The following LAMA2 variants were observed in gnomAD, a reference collection of about 807,000 sequenced individuals.
LAMA2 encodes laminin subunit alpha 2.
Under a neutral mutation model 364.8 loss-of-function variants are expected in LAMA2, and 269 were observed. That is an observed-to-expected ratio of 0.74 (90% confidence interval 0.67 to 0.82). The LOEUF (loss-of-function observed/expected upper bound fraction) is 0.82, where lower values mean the gene tolerates loss of function less well. Among genes scored for constraint, LAMA2 ranks in the 40% least tolerant of loss-of-function variants. LAMA2 has a pLI of 0.00. For missense variants in LAMA2, 3,807 were observed against 3,873.2 expected, an observed-to-expected ratio of 0.98 and a Z score of 0.45; for synonymous variants, 1,379 against 1,370.6, an observed-to-expected ratio of 1.01 and a Z score of -0.14.
intron 15 of LAMA2, among the ~76,000 whole-genome samples, chr6:129,262,162 G>T (rs1236648077): frequency 6.6e-6 from 1 of 151,968 alleles, no homozygotes; most frequent in Non-Finnish European, 1.5e-5. Context: ...TATGCTTTTA[G>T]TCTCTTCCTT....
chr6:129,065,610 C>A lies in LAMA2; in HGVS notation c.396+5714C>A, dbSNP rs193247109. Among the ~76,000 whole-genome samples the A allele has an allele frequency of 4.9e-4, 74 of 152,060 alleles. 1 individual carries two copies. Among genetic ancestry groups the A allele is most frequent in the African/African-American group, 1.6e-3 (68 of 41,470 alleles). ...AATTAGCAACATTTCCATAAACTAA[C>A]GAGGAACTATCTTTAAAAAAATCAA... On this transcript the variant is annotated intron_variant, in intron 3 of 64. Coordinates refer to ENST00000421865, the MANE Select transcript of LAMA2 (RefSeq NM_000426.4).
intron 20 of LAMA2, chr6:129,293,029 G>A: frequency 1.0e-6 from 1 of 985,930 alleles, no homozygotes; most frequent in Non-Finnish European, 1.2e-6. Flanking sequence ...GGCAGCTCCA[G>A]CGGGTGCCCT....
At chr6:129,339,872 G>A (rs981388154) in intron 29 of LAMA2, among the ~76,000 whole-genome samples, 9 of 151,982 alleles carry the variant, frequency 5.9e-5, no homozygotes, top group African/African-American at 9.7e-5. Flanking sequence ...GCATGGTTAC[G>A]CATGCCTGTA....
intron 1 of LAMA2, among the ~76,000 whole-genome samples, chr6:128,960,381 C>G (rs896985422): frequency 4.1e-5 from 6 of 147,654 alleles, no homozygotes; most frequent in African/African-American, 1.5e-4. Context: ...TCTTGTCCCC[C>G]AGGCTGGAGT....
intron 16 of LAMA2, 74 bp from the exon 17 acceptor site, chr6:129,270,550 C>T (rs936188422): frequency 6.7e-6 from 10 of 1,501,534 alleles, no homozygotes; most frequent in Admixed American, 5.0e-5. Context: ...CTAATGACTT[C>T]GTAGACCTAT....
At chr6:129,120,952 C>T (rs559503358) in intron 4 of LAMA2, among the ~76,000 whole-genome samples, 18 of 152,314 alleles carry the variant, frequency 1.2e-4, no homozygotes, top group African/African-American at 4.1e-4. Flanking sequence ...TATTTTTAAG[C>T]CACATGAATC....
intron 12 of LAMA2, among the ~76,000 whole-genome samples, chr6:129,226,641 A>T (rs1276061520): frequency 6.6e-6 from 1 of 151,876 alleles, no homozygotes; most frequent in African/African-American, 2.4e-5. Flanking sequence ...CTTTTCTTTA[A>T]GAATGTTGAA....
intron 15 of LAMA2, among the ~76,000 whole-genome samples, chr6:129,264,503 G>C (rs1787361945): frequency 6.6e-6 from 1 of 152,040 alleles, no homozygotes; most frequent in Admixed American, 6.6e-5. Context: ...CAGCATGTCT[G>C]TCTGGTCTAG....
chr6:128,960,176 C>T (rs114328720), intron 1 of LAMA2, among the ~76,000 whole-genome samples: 1,804 of 151,856 alleles, frequency 0.012, 40 homozygotes, highest in African/African-American at 0.039. Context: ...ATTTTTTGAC[C>T]CGGGAAATTC....
At chr6:129,023,198 A>G (rs1200126876) in intron 1 of LAMA2, among the ~76,000 whole-genome samples, 1 of 152,164 alleles carries the variant, frequency 6.6e-6, no homozygotes, top group Admixed American at 6.5e-5. Flanking sequence ...TTTCTGAATC[A>G]AGTGAAGATT....
At chr6:129,472,124 A>G (rs1209920741) in intron 51 of LAMA2, among the ~76,000 whole-genome samples, 3 of 152,012 alleles carry the variant, frequency 2.0e-5, no homozygotes, top group African/African-American at 7.2e-5. Flanking sequence ...CTGGGCAGCT[A>G]TAAAATTAAG....
chr6:129,342,873 T>C lies in LAMA2; in HGVS notation c.4436+406T>C, dbSNP rs1397541021. 5.9e-5 allele frequency among the ~76,000 whole-genome samples: 9 copies of C among 152,156 alleles called. No individual in the cohort carries two copies. In the East Asian group the frequency reaches 1.7e-3, roughly 29 times the overall value. On this transcript the variant is annotated intron_variant, in intron 30 of 64. Coordinates refer to ENST00000421865, the MANE Select transcript of LAMA2 (RefSeq NM_000426.4). Reference sequence around the variant, plus strand: ...TTTGTGGCTGTTTCCATTTATTTTATGTGTTTAATTCAAGATTGGGAAATA... The same window carrying C: ...TTTGTGGCTGTTTCCATTTATTTTACGTGTTTAATTCAAGATTGGGAAATA...
At chr6:128,949,623 C>A (rs2114564412) in intron 1 of LAMA2, among the ~76,000 whole-genome samples, 1 of 151,974 alleles carries the variant, frequency 6.6e-6, no homozygotes, top group South Asian at 2.1e-4. Flanking sequence ...TGTCTCTTTG[C>A]AACTGAGTGT....
At chr6:129,226,179 T>G (rs1326655182) in intron 12 of LAMA2, among the ~76,000 whole-genome samples, 2 of 152,170 alleles carry the variant, frequency 1.3e-5, no homozygotes, top group Non-Finnish European at 2.9e-5. Context: ...TTGTTTTCTA[T>G]TTCCTTGGTA....
intron 56 of LAMA2, chr6:129,491,108 C>T (rs1784839336): frequency 6.6e-6 from 1 of 152,106 alleles, no homozygotes; most frequent in Non-Finnish European, 1.5e-5. Flanking sequence ...ATTCATGATC[C>T]CCAGGCTAGT....
intron 58 of LAMA2, among the ~76,000 whole-genome samples, chr6:129,494,681 A>G (rs1045323438): frequency 6.6e-6 from 1 of 152,220 alleles, no homozygotes; most frequent in African/African-American, 2.4e-5. Flanking sequence ...GCTGTCAGTC[A>G]TGGGGGGTTA....
chr6:129,148,838 T>C (rs1583137714), intron 6 of LAMA2, 141 bp from the exon 7 acceptor site: 2 of 761,988 alleles, frequency 2.6e-6, no homozygotes, highest in East Asian at 4.9e-5. Context: ...CTGGCACCAC[T>C]TTCTTCCCAG....
At chr6:129,507,849 A>G (rs1291585478) in intron 62 of LAMA2, among the ~76,000 whole-genome samples, 2 of 152,258 alleles carry the variant, frequency 1.3e-5, no homozygotes, top group Non-Finnish European at 2.9e-5. Context: ...AAATAAAGTA[A>G]AAGGTCTATT....
intron 22 of LAMA2, among the ~76,000 whole-genome samples, chr6:129,301,557 A>G (rs1773550602): frequency 6.6e-6 from 1 of 152,148 alleles, no homozygotes; most frequent in African/African-American, 2.4e-5. Flanking sequence ...GGAATAAGAA[A>G]GAGAAGACTT....
Sources: allele counts gnomAD v4.1 joint callset (sites outside exome capture counted in the v4.1 genomes callset), GRCh38; gene constraint gnomAD v4.1.1; transcripts MANE v1.5; gene names NCBI Gene and HGNC (gene_info 2026-07-23, HGNC 2026-07-21).